The following APLP2 variants were observed in gnomAD, a reference collection of about 807,000 sequenced individuals.
The protein encoded by APLP2 is amyloid beta precursor like protein 2, also known as CDEI box-binding protein.
APLP2 carries 53 observed loss-of-function variants against 89.9 expected under a neutral mutation model. The observed-to-expected ratio is 0.59, with a 90% confidence interval of 0.47 to 0.74. APLP2 has a LOEUF of 0.74. Among genes scored for constraint, APLP2 ranks in the 30% least tolerant of loss-of-function variants. The pLI, the probability that APLP2 is intolerant of heterozygous loss-of-function variation, is 0.00. For synonymous variants in APLP2, 372 were observed against 348.6 expected, an observed-to-expected ratio of 1.07 and a Z score of -0.75; for missense variants, 973 against 975.9, an observed-to-expected ratio of 1.00 and a Z score of 0.04.
At chr11:130,092,111 A>G (rs1945399411) in intron 1 of APLP2, among the ~76,000 whole-genome samples, 1 of 121,892 alleles carries the variant, frequency 8.2e-6, no homozygotes. Context: ...CGCTCCCCAC[A>G]TCTCAGACGA....
rs116580954 is a variant in APLP2, at chr11:130,096,439, T to C, written c.106-12990T>C. Among the ~76,000 whole-genome samples, 716 of 152,262 alleles carry C rather than the reference T, an allele frequency of 4.7e-3. 4 individuals are homozygous for C. The highest frequency in any genetic ancestry group is 0.017 in the African/African-American group (697 of 41,572). On this transcript the variant is annotated intron_variant, in intron 1 of 16. Transcript: ENST00000338167. ...AGTAGTACAAAAGTGCTGTTGAGGC[T>C]GGGCCCTGTGGCTCATGCCTGTAAT...
rs776174946 is a variant in APLP2, at chr11:130,070,075, A to C, written c.98A>C (p.Tyr33Ser). The part of the protein sequence containing the change: ...LTAPALALAG[Y>S]IEALAANAGT... ...GCGCCTGCCTTGGCGCTGGCCGGCT[A>C]CATCGAGGTGGGGACCGGGCGAACG... Residue 33 changes from tyrosine (Y) to serine (S), a missense_variant, in exon 1 of 17, where the codon TAC becomes TCC. Physicochemically the swap from Tyr to Ser is moderately radical, Grantham distance 144 (BLOSUM62 -2). Coordinates refer to ENST00000338167, the MANE Select transcript of APLP2 (RefSeq NM_001142276.2). 1.9e-4 allele frequency: 283 copies of C among 1,474,312 alleles called. 4 individuals carry two copies. The East Asian group carries it at 8.2e-3, about 43-fold the overall frequency. The allele number at this position is 1,474,312 out of a possible 1,614,324, so 91.3% of individuals were successfully genotyped here.
In APLP2 at chr11:130,144,442, T is replaced by G. The variant is rs908008892; in HGVS notation, c.*994T>G. ...GCCCAGGAGAGAACACGGGGAGGTTTGTTTGTGTGAAAGGAAAGTAGTCCA... is the reference window on the plus strand; with the variant it reads ...GCCCAGGAGAGAACACGGGGAGGTTGGTTTGTGTGAAAGGAAAGTAGTCCA... On this transcript the variant is annotated 3_prime_UTR_variant, in exon 17 of 17. Coordinates refer to ENST00000338167, the MANE Select transcript of APLP2 (RefSeq NM_001142276.2). 1 of 152,232 alleles carries G rather than the reference T, an allele frequency of 6.6e-6. No homozygotes were observed. Among genetic ancestry groups the G allele is most frequent in the African/African-American group, 2.4e-5 (1 of 41,444 alleles). The allele number at this position is 152,232 out of a possible 1,614,324, so 9.4% of individuals were successfully genotyped here. A position where few individuals can be genotyped will look rare whatever the true frequency, so the allele number is the denominator to read the frequency against.
intron 3 of APLP2, among the ~76,000 whole-genome samples, chr11:130,119,803 T>C (rs1378568656): frequency 1.3e-5 from 2 of 152,242 alleles, no homozygotes; most frequent in African/African-American, 4.8e-5. Flanking sequence ...TTCAGCTGGT[T>C]TCTCCTAAGA....
chr11:130,090,920 C>T (rs1259741455), intron 1 of APLP2, among the ~76,000 whole-genome samples: 6 of 146,774 alleles, frequency 4.1e-5, no homozygotes, highest in South Asian at 2.1e-4. Flanking sequence ...CCCTCCCGGA[C>T]GGGGCGGCTG....
At chr11:130,137,172 A>G in intron 13 of APLP2, 6 of 1,224,772 alleles carry the variant, frequency 4.9e-6, no homozygotes, top group South Asian at 3.7e-5. Context: ...ATTCTAAGAT[A>G]GAAATTTTAA....
At chr11:130,070,548 T>G in intron 1 of APLP2, 1 of 1,279,192 alleles carries the variant, frequency 7.8e-7, no homozygotes, top group Non-Finnish European at 9.8e-7. Context: ...GCCTCCCACC[T>G]GCGAGCGGCG....
At position 130,093,884 on chromosome 11, in the gene APLP2, C is replaced by T. The variant is rs146416246; in HGVS notation, c.106-15545C>T. 2.5e-3 allele frequency among the ~76,000 whole-genome samples: 379 copies of T among 152,156 alleles called. 1 individual carries two copies. The highest frequency in any genetic ancestry group is 8.6e-3 in the African/African-American group (358 of 41,510). ...TCAGCCTCCCGCGTAGCTGGAATTA[C>T]AGGCATGTGCCACCACGTCTGGCTA... On this transcript the variant is annotated intron_variant, in intron 1 of 16. Transcript: ENST00000338167.
chr11:130,089,364 A>C (rs1591774334), intron 1 of APLP2, among the ~76,000 whole-genome samples: 1 of 152,066 alleles, frequency 6.6e-6, no homozygotes, highest in East Asian at 1.9e-4. Flanking sequence ...CTTTCCTTGG[A>C]GAAGAGTTCT....
intron 1 of APLP2, among the ~76,000 whole-genome samples, chr11:130,081,106 C>A (rs985803148): frequency 6.6e-6 from 1 of 151,678 alleles, no homozygotes; most frequent in Non-Finnish European, 1.5e-5. Context: ...AAAAACAAAC[C>A]CCCCCAAAAA....
At chr11:130,108,965 C>T (rs529204015) in intron 1 of APLP2, 5 of 152,450 alleles carry the variant, frequency 3.3e-5, no homozygotes, top group South Asian at 2.1e-4. Context: ...GACCAAACAC[C>T]GCATGTTCTC....
chr11:130,132,801 A>C (rs935382005), intron 11 of APLP2, among the ~76,000 whole-genome samples: 1 of 152,212 alleles, frequency 6.6e-6, no homozygotes, highest in Non-Finnish European at 1.5e-5. Context: ...TAATCATTTA[A>C]GCAATTGCTT....
At chr11:130,092,136 G>T (rs1368602050) in intron 1 of APLP2, among the ~76,000 whole-genome samples, 2 of 134,220 alleles carry the variant, frequency 1.5e-5, no homozygotes, top group Non-Finnish European at 3.1e-5. Context: ...CGGCGGGGCA[G>T]AGACGCTCCT....
Position 130,135,899 on chromosome 11 carries a change from A to G in APLP2, c.1837+184A>G, listed in dbSNP as rs117865239. 3.2e-4 allele frequency among the ~76,000 whole-genome samples: 49 copies of G among 152,328 alleles called. 1 individual carries two copies. In the East Asian group the frequency reaches 8.9e-3, roughly 28 times the overall value. On this transcript the variant is annotated intron_variant, in intron 13 of 16. Coordinates refer to ENST00000338167, the MANE Select transcript of APLP2 (RefSeq NM_001142276.2). ...GGACCCTGCTAGATGCTTTCAAATC[A>G]TTGGTGTCAATGTCACCATGAAGTT...
intron 1 of APLP2, among the ~76,000 whole-genome samples, chr11:130,082,194 T>G (rs1943267790): frequency 6.6e-6 from 1 of 152,192 alleles, no homozygotes; most frequent in Admixed American, 6.5e-5. Flanking sequence ...TTTTTTTGTT[T>G]GTTTCTGAGG....
chr11:130,143,435 A>G lies in APLP2; in HGVS notation c.2243A>G (p.Gln748Arg), dbSNP rs372437780. 1 of 1,613,912 alleles carries G rather than the reference A, an allele frequency of 6.2e-7. No individual in the cohort carries two copies. Among genetic ancestry groups the G allele is most frequent in the Non-Finnish European group, 8.5e-7 (1 of 1,179,940 alleles). ...AACCCCACCTACAAATACCTGGAGC[A>G]GATGCAGATTTAGGTGGCAGGGAGC... Reference protein sequence around the residue: ...YENPTYKYLEQMQI With the variant: ...YENPTYKYLERMQI The change falls in exon 17 of 17, where the codon CAG (glutamine) becomes CGG (arginine). Residue 748 changes from glutamine to arginine, a missense_variant. Physicochemically the swap from Gln to Arg is conservative, Grantham distance 43. Coordinates refer to ENST00000338167, the MANE Select transcript of APLP2 (RefSeq NM_001142276.2).
intron 1 of APLP2, among the ~76,000 whole-genome samples, chr11:130,097,663 G>T (rs922430482): frequency 1.3e-5 from 2 of 152,204 alleles, no homozygotes; most frequent in African/African-American, 4.8e-5. Flanking sequence ...GGGCGACAGA[G>T]TGAAACTCTG....
At chr11:130,073,100 G>A (rs1463114331) in intron 1 of APLP2, among the ~76,000 whole-genome samples, 2 of 152,174 alleles carry the variant, frequency 1.3e-5, no homozygotes, top group African/African-American at 4.8e-5. Context: ...AAATCTAAAT[G>A]TAGATCAAGT....
At position 130,130,122 on chromosome 11, in the gene APLP2, G is replaced by T. The variant is rs756249510; in HGVS notation, c.1540G>T (p.Val514Leu). ...RLHTIRHYQH[V>L]LAVDPEKAAQ... ...ACATACCATCCGTCATTACCAGCAT[G>T]TGTTGGCTGTTGACCCAGAAAAGGC... The change falls in exon 11 of 17, where the codon GTG (valine) becomes TTG (leucine). Residue 514 changes from valine to leucine, a missense_variant. Val to Leu is a conservative substitution (Grantham distance 32, BLOSUM62 1). Transcript: ENST00000338167. 5.6e-6 allele frequency: 9 copies of T among 1,614,150 alleles called. No homozygotes were observed. The East Asian group carries it at 6.7e-5, about 12-fold the overall frequency.
Sources: allele counts gnomAD v4.1 joint callset (sites outside exome capture counted in the v4.1 genomes callset), GRCh38; gene constraint gnomAD v4.1.1; transcripts MANE v1.5; gene names NCBI Gene and HGNC (gene_info 2026-07-23, HGNC 2026-07-21).